Variants in CEP68 observed in about 807,000 individuals in gnomAD.
CEP68 encodes centrosomal protein of 68 kDa.
In CEP68, 26 loss-of-function variants were observed where a neutral mutation model predicts 55.3. The observed-to-expected ratio is 0.47, with a 90% CI of 0.34 to 0.65. The LOEUF is 0.65. Among genes scored for constraint, CEP68 ranks in the 30% least tolerant of loss-of-function variants. CEP68 has a pLI of 0.01. For missense variants in CEP68, 957 were observed against 946.7 expected (o/e 1.01, Z -0.14); for synonymous variants, 402 against 383.2 (o/e 1.05, Z -0.57).
Position 65,086,004 on chromosome 2 carries a change from A to T in CEP68, c.*2370A>T, listed in dbSNP as rs564130721. 39 of 152,346 alleles carry T rather than the reference A, an allele frequency of 2.6e-4. No homozygotes were observed. The highest frequency in any genetic ancestry group is 8.9e-4 in the African/African-American group (37 of 41,580). The allele number at this position is 152,346 out of a possible 1,614,324, so 9.4% of individuals were successfully genotyped here. Reference sequence around the variant, plus strand: ...TCCACAGGGAAGTGATGATACTCAAAGCTGGATCAGCAGTTTCAAGATCTG... The same window carrying T: ...TCCACAGGGAAGTGATGATACTCAATGCTGGATCAGCAGTTTCAAGATCTG... On this transcript the variant is annotated 3_prime_UTR_variant, in exon 7 of 7. Coordinates refer to ENST00000377990, the MANE Select transcript of CEP68 (RefSeq NM_015147.3).
At position 65,084,891 on chromosome 2, in the gene CEP68, A is replaced by G. The variant is rs914133693; in HGVS notation, c.*1257A>G. On this transcript the variant is annotated 3_prime_UTR_variant, in exon 7 of 7. Transcript: ENST00000377990. ...GGCATGATCAAAATTAAAATGGCTTATGAGTTTGCCATATTAATCATCTTA... is the reference window on the plus strand; with the variant it reads ...GGCATGATCAAAATTAAAATGGCTTGTGAGTTTGCCATATTAATCATCTTA... The G allele has an allele frequency of 4.6e-5, 7 of 152,080 alleles. No homozygotes were observed. The highest frequency in any genetic ancestry group is 8.8e-5 in the Non-Finnish European group (6 of 67,972). The allele number at this position is 152,080 out of a possible 1,614,324, so 9.4% of individuals were successfully genotyped here.
At position 65,068,354 on chromosome 2, in the gene CEP68, CATCATCCTT is replaced by C. The variant is rs553417108; in HGVS notation, c.-46-1044_-46-1036del. On this transcript the variant is annotated intron_variant, in intron 1 of 6. Coordinates refer to ENST00000377990, the MANE Select transcript of CEP68 (RefSeq NM_015147.3). Reference sequence around the variant, plus strand: ...CTGTTTGCAGATTCAGCTCCCAAATCATCATCCTTCCCTGAGTGCTCGGCCTGTGCTCCC... The same window carrying C: ...CTGTTTGCAGATTCAGCTCCCAAATCCCCTGAGTGCTCGGCCTGTGCTCCC... Among the ~76,000 whole-genome samples, 19 of 152,300 alleles carry C rather than the reference CATCATCCTT, an allele frequency of 1.2e-4. No homozygotes were observed. The South Asian group carries it at 3.3e-3, about 27-fold the overall frequency.
At chr2:65,057,165 G>C (rs577744477) in intron 1 of CEP68, among the ~76,000 whole-genome samples, 2 of 152,264 alleles carry the variant, frequency 1.3e-5, no homozygotes, top group Non-Finnish European at 2.9e-5. Context: ...TTGATGATTA[G>C]TAGGTTGGGT....
intron 3 of CEP68, 63 bp from the exon 4 acceptor site, chr2:65,074,218 CT>C: frequency 6.3e-7 from 1 of 1,585,358 alleles, no homozygotes; most frequent in East Asian, 2.2e-5. Context: ...TATTTTTAGC[CT>C]TTTGATAACA....
intron 2 of CEP68, 61 bp from the exon 3 acceptor site, chr2:65,071,393 C>CT (rs569182643): frequency 3.1e-4 from 436 of 1,419,152 alleles, no homozygotes; most frequent in Non-Finnish European, 3.9e-4. Context: ...GGGTTGTCAT[C>CT]TAAGAAAGAA....
At chr2:65,077,640 C>G (rs994595612) in intron 4 of CEP68, among the ~76,000 whole-genome samples, 7 of 152,148 alleles carry the variant, frequency 4.6e-5, no homozygotes, top group African/African-American at 1.7e-4. Context: ...GAAGATGCTT[C>G]TGATGTCAAA....
At chr2:65,080,446 G>C (rs1187924901) in intron 5 of CEP68, 1 of 985,278 alleles carries the variant, frequency 1.0e-6, no homozygotes, top group Non-Finnish European at 1.2e-6. Flanking sequence ...CATAGAGCCA[G>C]CCTACAAACA....
rs560099800 is a variant in CEP68, at chr2:65,084,124, T to C, written c.*490T>C. 1 of 152,256 alleles carries C rather than the reference T, an allele frequency of 6.6e-6. No individual in the cohort carries two copies. Among genetic ancestry groups the C allele is most frequent in the African/African-American group, 2.4e-5 (1 of 41,544 alleles). The allele number at this position is 152,256 out of a possible 1,614,324, so 9.4% of individuals were successfully genotyped here. On this transcript the variant is annotated 3_prime_UTR_variant, in exon 7 of 7. Transcript: ENST00000377990. ...GCTTGTCAATCCCTCTTTAAAGATA[T>C]AGGTAGAAAGAAGAGATTTTTAACC...
Position 65,072,646 on chromosome 2 carries a change from G to T in CEP68, c.1550G>T (p.Ser517Ile), listed in dbSNP as rs1330916842. 1 of 1,614,186 alleles carries T rather than the reference G, an allele frequency of 6.2e-7. No individual in the cohort carries two copies. Among genetic ancestry groups the T allele is most frequent in the East Asian group, 2.2e-5 (1 of 44,888 alleles). The change falls in exon 3 of 7, where the codon AGC becomes ATC. Residue 517 changes from serine (S) to isoleucine (I), a missense_variant. Ser to Ile is a moderately radical substitution (Grantham distance 142). Coordinates refer to ENST00000377990, the MANE Select transcript of CEP68 (RefSeq NM_015147.3). The stretch of plus-strand genomic sequence containing the variant: ...CCCACTGGGGATATCAAAGGGCAGA[G>T]CCCCTTGGAAGTGTCAGACAGTGAT... Reference protein sequence around the residue: ...TLPTGDIKGQSPLEVSDSDGP... With the variant: ...TLPTGDIKGQIPLEVSDSDGP...
At chr2:65,074,197 A>G in intron 3 of CEP68, 85 bp from the exon 4 acceptor site, 1 of 1,526,414 alleles carries the variant, frequency 6.6e-7, no homozygotes, top group Non-Finnish European at 8.9e-7. Context: ...TCTGTCTCCA[A>G]GTCCTCCTGA....
At chr2:65,068,082 G>A (rs1676281491) in intron 1 of CEP68, among the ~76,000 whole-genome samples, 1 of 152,144 alleles carries the variant, frequency 6.6e-6, no homozygotes, top group African/African-American at 2.4e-5. Context: ...AAGGAAACAA[G>A]GCCATTTCTG....
Position 65,072,917 on chromosome 2 carries a change from T to C in CEP68, c.1821T>C (p.Val607=). The C allele has an allele frequency of 6.2e-7, 1 of 1,614,162 alleles. No individual in the cohort carries two copies. Among genetic ancestry groups the C allele is most frequent in the Non-Finnish European group, 8.5e-7 (1 of 1,180,038 alleles). Residue 607 remains valine (V), a synonymous_variant, in exon 3 of 7, where the codon GTT becomes GTC. Coordinates refer to ENST00000377990, the MANE Select transcript of CEP68 (RefSeq NM_015147.3). ...LDRWPFSDPD[V]EGQLPRKGGE... is the part of the protein sequence containing the mutation. ...GGTGGCCATTCTCAGACCCAGATGT[T>C]GAAGGGCAGCTTCCCAGGAAAGGAG... is the stretch of plus-strand genomic sequence containing the variant.
intron 1 of CEP68, among the ~76,000 whole-genome samples, chr2:65,058,910 C>G (rs981149264): frequency 1.3e-5 from 2 of 152,126 alleles, no homozygotes; most frequent in African/African-American, 4.8e-5. Context: ...AGTCTCACCA[C>G]CAACTAAAGA....
chr2:65,080,601 T>C (rs542217124), intron 5 of CEP68: 2 of 929,462 alleles, frequency 2.2e-6, no homozygotes, highest in African/African-American at 1.8e-5. Context: ...GCAGATCACC[T>C]GAGGGCAGGA....
At chr2:65,081,856 G>A (rs370347909) in intron 5 of CEP68, among the ~76,000 whole-genome samples, 5 of 152,246 alleles carry the variant, frequency 3.3e-5, no homozygotes, top group East Asian at 3.9e-4. Context: ...CACCACACCC[G>A]GCTAATTTTT....
At chr2:65,059,293 T>C (rs1434496593) in intron 1 of CEP68, among the ~76,000 whole-genome samples, 1 of 152,230 alleles carries the variant, frequency 6.6e-6, no homozygotes, top group Non-Finnish European at 1.5e-5. Context: ...CACCACTTTC[T>C]GGTTACAGGA....
intron 5 of CEP68, chr2:65,080,575 T>G (rs757521609): frequency 1.0e-5 from 10 of 980,864 alleles, no homozygotes; most frequent in Non-Finnish European, 1.2e-5. Flanking sequence ...TCTCAACACT[T>G]TGGGAGGCCA....
intron 5 of CEP68, among the ~76,000 whole-genome samples, chr2:65,081,211 CAAAAAA>C (rs3052193): frequency 7.0e-6 from 1 of 142,964 alleles, no homozygotes. Flanking sequence ...GACTCCATCT[CAAAAAA>C]AAAAAAAAAG....
At chr2:65,067,457 T>C (rs1676251133) in intron 1 of CEP68, among the ~76,000 whole-genome samples, 1 of 152,144 alleles carries the variant, frequency 6.6e-6, no homozygotes, top group Non-Finnish European at 1.5e-5. Flanking sequence ...ACAAAACTAG[T>C]AAGGCTGGTT....
Sources: allele counts gnomAD v4.1 joint callset (sites outside exome capture counted in the v4.1 genomes callset), GRCh38; gene constraint gnomAD v4.1.1; transcripts MANE v1.5; gene names NCBI Gene and HGNC (gene_info 2026-07-23, HGNC 2026-07-21).